Variants in TMEM64 observed in about 807,000 individuals in gnomAD.
The protein encoded by TMEM64 is transmembrane protein 64.
TMEM64 carries 19 observed loss-of-function variants against 24.5 expected under a neutral mutation model. The observed-to-expected ratio is 0.78, with a 90% CI of 0.54 to 1.14. TMEM64 has a LOEUF of 1.14. TMEM64 is among the 50% of genes most tolerant of loss of function. TMEM64 has a pLI of 0.00. For synonymous variants in TMEM64, 262 were observed against 224.7 expected (o/e 1.17, Z -1.49); for missense variants, 487 against 493.0 (o/e 0.99, Z 0.12).
chr8:90,627,146 CAT>C (rs1809372960), intron 2 of TMEM64, among the ~76,000 whole-genome samples: 1 of 151,922 alleles, frequency 6.6e-6, no homozygotes, highest in South Asian at 2.1e-4. Flanking sequence ...ATAATTATAA[CAT>C]AAGCTTTAAA....
intron 1 of TMEM64, among the ~76,000 whole-genome samples, chr8:90,643,379 C>T (rs1162098408): frequency 6.6e-6 from 1 of 152,204 alleles, no homozygotes; most frequent in Non-Finnish European, 1.5e-5. Flanking sequence ...TTACTTTCCT[C>T]ATTTTACAAA....
At chr8:90,632,514 G>C (rs1328642865) in intron 1 of TMEM64, among the ~76,000 whole-genome samples, 2 of 152,072 alleles carry the variant, frequency 1.3e-5, no homozygotes, top group Non-Finnish European at 2.9e-5. Context: ...AGTAGAGATG[G>C]GGTTTCACCA....
rs1310996626 is a variant in TMEM64, at chr8:90,623,695, G to C, written c.*1976C>G. The C allele has an allele frequency of 6.6e-6, 1 of 152,384 alleles. No individual in the cohort carries two copies. The highest frequency in any genetic ancestry group is 2.4e-5 in the African/African-American group (1 of 41,396). 9.4% of individuals were successfully genotyped at this position (152,384 alleles called of 1,614,324 possible). ...ACAAACTACCAAAATGTATTCATTT[G>C]GTGAAATTATTCAAGTCACAAATGC... On this transcript the variant is annotated 3_prime_UTR_variant, in exon 3 of 3. Coordinates refer to ENST00000458549, the MANE Select transcript of TMEM64 (RefSeq NM_001008495.4).
chr8:90,642,682 G>A (rs1313481808), intron 1 of TMEM64, among the ~76,000 whole-genome samples: 2 of 152,168 alleles, frequency 1.3e-5, no homozygotes, highest in Non-Finnish European at 2.9e-5. Flanking sequence ...TCTGTAAGCA[G>A]GCAGTTCAGA....
Position 90,622,165 on chromosome 8 carries a change from G to A in TMEM64, c.*3506C>T, listed in dbSNP as rs921482448. 1.3e-5 allele frequency: 2 copies of A among 152,120 alleles called. No homozygotes were observed. Among genetic ancestry groups the A allele is most frequent in the Admixed American group, 6.5e-5 (1 of 15,270 alleles). 9.4% of individuals were successfully genotyped at this position (152,120 alleles called of 1,614,324 possible). A position where few individuals can be genotyped will look rare whatever the true frequency, so the allele number is the denominator to read the frequency against. ...TTCATAAGTATCAGGTTAGAATTTA[G>A]TTGTGGAATAAGTTAACAGTTTATG... On this transcript the variant is annotated 3_prime_UTR_variant, in exon 3 of 3. Coordinates refer to ENST00000458549, the MANE Select transcript of TMEM64 (RefSeq NM_001008495.4).
Position 90,645,089 on chromosome 8 carries a change from A to G in TMEM64, c.795+22T>C, listed in dbSNP as rs778709150. 8.8e-6 allele frequency: 14 copies of G among 1,585,092 alleles called. 1 individual carries two copies. In the South Asian group the frequency reaches 1.4e-4, roughly 16 times the overall value. On this transcript the variant is annotated intron_variant, in intron 1 of 2. Transcript: ENST00000458549. The surrounding 1 kb of genome is among the most constrained non-coding windows in gnomAD (Gnocchi z 4.2). Reference sequence around the variant, plus strand: ...CTCAAAAACAGACTTGGAGAGGGATAGGCCAGCGGGACCCCACTTACCGAA... The same window carrying G: ...CTCAAAAACAGACTTGGAGAGGGATGGGCCAGCGGGACCCCACTTACCGAA...
chr8:90,625,917 A>G, intron 2 of TMEM64, 55 bp from the exon 3 acceptor site: 1 of 1,309,258 alleles, frequency 7.6e-7, no homozygotes, highest in Non-Finnish European at 1.0e-6. Flanking sequence ...AAAAAAAGAA[A>G]TAAATCCAAT....
At chr8:90,628,445 A>G (rs1809392914) in intron 2 of TMEM64, among the ~76,000 whole-genome samples, 1 of 152,218 alleles carries the variant, frequency 6.6e-6, no homozygotes, top group East Asian at 1.9e-4. Flanking sequence ...AAAATAATTA[A>G]CTATTTCAAG....
At chr8:90,628,029 T>C (rs960779231) in intron 2 of TMEM64, among the ~76,000 whole-genome samples, 2 of 152,220 alleles carry the variant, frequency 1.3e-5, no homozygotes, top group Non-Finnish European at 2.9e-5. Flanking sequence ...AGTGGGACTT[T>C]CCCAGCTGCA....
intron 2 of TMEM64, among the ~76,000 whole-genome samples, chr8:90,631,003 T>C (rs1328218855): frequency 6.6e-6 from 1 of 152,224 alleles, no homozygotes; most frequent in African/African-American, 2.4e-5. Context: ...ATGGTAATAA[T>C]AATCCATTAT....
intron 2 of TMEM64, among the ~76,000 whole-genome samples, chr8:90,628,626 GT>G (rs1809395452): frequency 7.8e-6 from 1 of 128,652 alleles, no homozygotes; most frequent in South Asian, 2.5e-4. Flanking sequence ...CAGGTTTGGG[GT>G]TTTGGTTAGT....
chr8:90,645,621 G>C lies in TMEM64; in HGVS notation c.285C>G (p.Gly95=). The C allele has an allele frequency of 6.5e-7, 1 of 1,535,164 alleles. No individual in the cohort carries two copies. Residue 95 remains glycine (G), a synonymous_variant, in exon 1 of 3, where the codon GGC becomes GGG. Coordinates refer to ENST00000458549, the MANE Select transcript of TMEM64 (RefSeq NM_001008495.4). The surrounding 1 kb of genome is among the most constrained non-coding windows in gnomAD (Gnocchi z 4.2). ...GGALAGGPGS[G]GGGVVVGVAE... is the part of the protein sequence containing the mutation. ...CCACGCCGACCACCACGCCGCCGCCGCCACTCCCGGGGCCGCCCGCCAAGG... is the reference window on the plus strand; with the variant it reads ...CCACGCCGACCACCACGCCGCCGCCCCCACTCCCGGGGCCGCCCGCCAAGG...
chr8:90,643,195 C>T (rs894608158), intron 1 of TMEM64, among the ~76,000 whole-genome samples: 1 of 152,210 alleles, frequency 6.6e-6, no homozygotes, highest in Non-Finnish European at 1.5e-5. Flanking sequence ...TTGGTTGAGA[C>T]ACTGCCATCA....
chr8:90,631,484 C>T, intron 2 of TMEM64, 68 bp downstream of exon 2: 6 of 1,293,434 alleles, frequency 4.6e-6, no homozygotes, highest in Non-Finnish European at 6.3e-6. Flanking sequence ...TGAAATCTGT[C>T]AAATCAGCAA....
Position 90,645,460 on chromosome 8 carries a change from A to G in TMEM64, c.446T>C (p.Leu149Pro). 4 of 1,551,560 alleles carry G rather than the reference A, an allele frequency of 2.6e-6. No individual in the cohort carries two copies. Among genetic ancestry groups the G allele is most frequent in the Non-Finnish European group, 3.5e-6 (4 of 1,147,016 alleles). The change falls in exon 1 of 3, where the codon CTG becomes CCG. Residue 149 changes from leucine (L) to proline (P), a missense_variant. Leu to Pro is a moderately conservative substitution (Grantham distance 98). This residue lies in a region of TMEM64 where 419 missense variants were observed against 407.5 expected (regional missense o/e 1.03). Transcript: ENST00000458549. This position sits in a 1 kb window ranked among gnomAD's most constrained non-coding sequence, Gnocchi z 4.2. ...CAGCGAGTCAAGGCTCTCCACCCAC[A>G]GCAGGAGGTGGTGAAGGTAGCGGCG... Reference protein sequence around the residue: ...LVRRYLHHLLLWVESLDSLLG... With the variant: ...LVRRYLHHLLPWVESLDSLLG...
intron 1 of TMEM64, among the ~76,000 whole-genome samples, chr8:90,636,552 T>C (rs13279263): frequency 0.43 from 65,847 of 152,074 alleles, 15,249 homozygotes; most frequent in East Asian, 0.73. Context: ...CTGCACCTGG[T>C]CTATTTTAAT....
At chr8:90,632,484 G>A (rs1376952274) in intron 1 of TMEM64, among the ~76,000 whole-genome samples, 5 of 152,014 alleles carry the variant, frequency 3.3e-5, no homozygotes, top group South Asian at 4.2e-4. Context: ...CACCATGCCC[G>A]GCTAATTTTT....
At chr8:90,630,979 A>G (rs1021244236) in intron 2 of TMEM64, among the ~76,000 whole-genome samples, 1 of 152,220 alleles carries the variant, frequency 6.6e-6, no homozygotes, top group Non-Finnish European at 1.5e-5. Context: ...GCCCCAAACT[A>G]TATTACAATC....
At position 90,629,634 on chromosome 8, in the gene TMEM64, A is replaced by G. The variant is rs1809410368; in HGVS notation, c.951+1918T>C. On this transcript the variant is annotated intron_variant, in intron 2 of 2. Transcript: ENST00000458549. ...ATACTGTGCTATAGATATAATGCAT[A>G]GAAAGTTTAACTTTATATGATTAGC... Among the ~76,000 whole-genome samples the G allele has an allele frequency of 2.0e-5, 3 of 152,186 alleles. No homozygotes were observed. The South Asian group carries it at 6.2e-4, about 32-fold the overall frequency.
Sources: allele counts gnomAD v4.1 joint callset (sites outside exome capture counted in the v4.1 genomes callset), GRCh38; gene constraint gnomAD v4.1.1; regional missense constraint gnomAD v4.1.1; non-coding constraint Gnocchi (gnomAD v3.1); transcripts MANE v1.5; gene names NCBI Gene and HGNC (gene_info 2026-07-23, HGNC 2026-07-21).